TCF7L2: variants seen among roughly 807,000 people sequenced by gnomAD.
TCF7L2 encodes transcription factor 7-like 2.
Under a neutral mutation model 77.9 loss-of-function variants are expected in TCF7L2, and 23 were observed. The observed-to-expected ratio is 0.30, with a 90% confidence interval of 0.21 to 0.42. TCF7L2 has a LOEUF of 0.42. Among genes scored for constraint, TCF7L2 ranks in the 10% least tolerant of loss-of-function variants. The pLI is 1.00. For synonymous variants in TCF7L2, 413 were observed against 340.2 expected (o/e 1.21, Z -2.36); for missense variants, 654 against 793.1 (o/e 0.82, Z 2.11).
intron 5 of TCF7L2, among the ~76,000 whole-genome samples, chr10:113,104,760 C>T (rs2062072065): frequency 6.6e-6 from 1 of 152,198 alleles, no homozygotes; most frequent in African/African-American, 2.4e-5. Flanking sequence ...TCAGGTGACA[C>T]TCAAGGAACA....
In TCF7L2 at chr10:113,166,032, C is replaced by T. The variant is rs1318542093; in HGVS notation, c.*60C>T. 4.3e-6 allele frequency: 6 copies of T among 1,396,796 alleles called. No individual in the cohort carries two copies. The highest frequency in any genetic ancestry group is 1.9e-5 in the South Asian group (1 of 51,990). 86.5% of individuals were successfully genotyped at this position (1,396,796 alleles called of 1,614,324 possible). A position where few individuals can be genotyped will look rare whatever the true frequency, so the allele number is the denominator to read the frequency against. On this transcript the variant is annotated 3_prime_UTR_variant, in exon 14 of 14. Transcript: ENST00000627217. ...GTTTTGTTTCACTTTTCTTAATTTGCCCCCCACCCCCACCTTGAAAGGTTT... is the reference window on the plus strand; with the variant it reads ...GTTTTGTTTCACTTTTCTTAATTTGTCCCCCACCCCCACCTTGAAAGGTTT...
At chr10:112,961,508 T>G (rs2035232294) in intron 3 of TCF7L2, among the ~76,000 whole-genome samples, 1 of 152,136 alleles carries the variant, frequency 6.6e-6, no homozygotes, top group African/African-American at 2.4e-5. Flanking sequence ...TTTTTATCTG[T>G]GCCTTAAAAA....
At chr10:112,973,746 C>T (rs373905814) in intron 4 of TCF7L2, among the ~76,000 whole-genome samples, 6 of 152,028 alleles carry the variant, frequency 3.9e-5, no homozygotes, top group Non-Finnish European at 5.9e-5. Flanking sequence ...CTTGCCACCA[C>T]GCCCTGGCTA....
chr10:113,155,176 A>G (rs2071605281), intron 11 of TCF7L2, among the ~76,000 whole-genome samples: 1 of 152,138 alleles, frequency 6.6e-6, no homozygotes, highest in Admixed American at 6.5e-5. Flanking sequence ...ATTGAGTGAA[A>G]CAGTCACGTT....
Position 113,123,315 on chromosome 10 carries a change from A to G in TCF7L2, c.553-17869A>G, listed in dbSNP as rs184582910. Among the ~76,000 whole-genome samples the G allele has an allele frequency of 2.6e-5, 4 of 152,390 alleles. No individual in the cohort carries two copies. In the East Asian group the frequency reaches 7.7e-4, roughly 29 times the overall value. ...TTAAGGATATATCCATGGCCCTGAA[A>G]AGACAGGCTCTGGCCAGGAATGGGG... is the stretch of plus-strand genomic sequence containing the variant. On this transcript the variant is annotated intron_variant, in intron 5 of 13. Coordinates refer to ENST00000627217, the MANE Select transcript of TCF7L2 (RefSeq NM_001146274.2).
intron 4 of TCF7L2, among the ~76,000 whole-genome samples, chr10:113,031,509 A>G (rs1223906764): frequency 7.2e-6 from 1 of 139,048 alleles, no homozygotes; most frequent in African/African-American, 2.7e-5. Flanking sequence ...TCCTTTTGAG[A>G]TGGAGTCTGG....
intron 3 of TCF7L2, among the ~76,000 whole-genome samples, chr10:112,955,907 A>G (rs2033432655): frequency 6.6e-6 from 1 of 152,166 alleles, no homozygotes; most frequent in Admixed American, 6.5e-5. Flanking sequence ...TTTAAAGATT[A>G]CAGTAGAAGT....
chr10:113,036,127 T>C (rs111300474), intron 4 of TCF7L2, among the ~76,000 whole-genome samples: 3 of 124,038 alleles, frequency 2.4e-5, no homozygotes, highest in African/African-American at 1.1e-4. Flanking sequence ...ATCATCATCA[T>C]CATCATCATC....
At chr10:113,056,923 A>G (rs931533067) in intron 5 of TCF7L2, among the ~76,000 whole-genome samples, 4 of 152,106 alleles carry the variant, frequency 2.6e-5, no homozygotes, top group Non-Finnish European at 5.9e-5. Context: ...GTCTCATCCA[A>G]ACATCTCCCA....
chr10:113,159,342 G>A (rs896614483), intron 12 of TCF7L2, among the ~76,000 whole-genome samples: 10 of 151,806 alleles, frequency 6.6e-5, no homozygotes, highest in African/African-American at 7.3e-5. Context: ...AAAAAAAGAC[G>A]AACGTTCCAA....
At chr10:113,143,397 T>C (rs926344800) in intron 6 of TCF7L2, among the ~76,000 whole-genome samples, 1 of 152,202 alleles carries the variant, frequency 6.6e-6, no homozygotes, top group African/African-American at 2.4e-5. Flanking sequence ...CTCCAGCTCA[T>C]CCAAATAGAG....
At chr10:113,048,440 T>G (rs915899101) in intron 5 of TCF7L2, among the ~76,000 whole-genome samples, 1 of 152,184 alleles carries the variant, frequency 6.6e-6, no homozygotes, top group South Asian at 2.1e-4. Flanking sequence ...CTTCGTTAAT[T>G]AAGCAGAAAA....
At chr10:113,066,026 T>C (rs2057198922) in intron 5 of TCF7L2, among the ~76,000 whole-genome samples, 1 of 152,332 alleles carries the variant, frequency 6.6e-6, no homozygotes, top group Middle Eastern at 3.4e-3. Context: ...AATTACTGTT[T>C]GCAACACCAT....
chr10:113,057,512 C>T (rs1015778253), intron 5 of TCF7L2, among the ~76,000 whole-genome samples: 2 of 152,118 alleles, frequency 1.3e-5, no homozygotes, highest in African/African-American at 4.8e-5. Flanking sequence ...TATTCTTGCT[C>T]TCATGGGACT....
chr10:113,064,786 G>A (rs1188909328), intron 5 of TCF7L2, among the ~76,000 whole-genome samples: 1 of 152,210 alleles, frequency 6.6e-6, no homozygotes, highest in Non-Finnish European at 1.5e-5. Context: ...TAATGAAGCA[G>A]CTGAGGGCTT....
intron 4 of TCF7L2, among the ~76,000 whole-genome samples, chr10:113,032,781 C>T (rs928041949): frequency 7.2e-5 from 11 of 152,146 alleles, no homozygotes; most frequent in African/African-American, 2.2e-4. Flanking sequence ...CAGGTTAGTT[C>T]CACCTTTCTG....
chr10:113,125,488 T>C (rs551283429), intron 5 of TCF7L2: 7 of 152,128 alleles, frequency 4.6e-5, no homozygotes, highest in South Asian at 2.1e-4. Context: ...GTGGGTTTTT[T>C]CCCCCCGAAT....
intron 8 of TCF7L2, among the ~76,000 whole-genome samples, chr10:113,148,047 T>C (rs917847308): frequency 6.6e-6 from 1 of 152,222 alleles, no homozygotes; most frequent in Non-Finnish European, 1.5e-5. Context: ...ATGGCAGTTA[T>C]AGCAAATGTA....
chr10:113,162,207 G>T (rs1036056805), intron 13 of TCF7L2, among the ~76,000 whole-genome samples: 2 of 152,162 alleles, frequency 1.3e-5, no homozygotes, highest in African/African-American at 2.4e-5. Context: ...AACCACAAGG[G>T]TCACTAAAAG....
Sources: allele counts gnomAD v4.1 joint callset (sites outside exome capture counted in the v4.1 genomes callset), GRCh38; gene constraint gnomAD v4.1.1; transcripts MANE v1.5; gene names NCBI Gene and HGNC (gene_info 2026-07-23, HGNC 2026-07-21).